RAD18: variants seen among roughly 807,000 people sequenced by gnomAD.
RAD18 encodes E3 ubiquitin-protein ligase RAD18.
A neutral mutation model predicts 60.4 loss-of-function variants in RAD18; 47 were observed. The observed-to-expected ratio is 0.78, with a 90% CI of 0.62 to 0.99. The LOEUF is 0.99. RAD18 is among the 50% of genes least tolerant of loss of function. The pLI, the probability that RAD18 is intolerant of heterozygous loss-of-function variation, is 0.00. For synonymous variants in RAD18, 225 were observed against 195.5 expected, an observed-to-expected ratio of 1.15 and a Z score of -1.26; for missense variants, 640 against 593.3, an observed-to-expected ratio of 1.08 and a Z score of -0.82.
rs1285460319 is a variant in RAD18 at position 8,963,388 on chromosome 3, T to G, written c.-3A>C. On this transcript the variant is annotated 5_prime_UTR_variant, in exon 1 of 13. Transcript: ENST00000264926. ...CGAGACTCGGCCAGGGAGTCCATGG[T>G]CGCTCCCGAGGATGCTGGGGGTCAG... The G allele has an allele frequency of 6.2e-7, 1 of 1,601,402 alleles. No individual in the cohort carries two copies. Among genetic ancestry groups the G allele is most frequent in the East Asian group, 2.3e-5 (1 of 43,362 alleles).
At chr3:8,941,883 C>A in intron 4 of RAD18, 79 bp from the exon 5 acceptor site, 1 of 1,316,628 alleles carries the variant, frequency 7.6e-7, no homozygotes, top group Non-Finnish European at 1.0e-6. Flanking sequence ...GCTGTTTTCC[C>A]AATTAACCTT....
At chr3:8,898,839 T>C in intron 11 of RAD18, 55 bp downstream of exon 11, 1 of 1,392,870 alleles carries the variant, frequency 7.2e-7, no homozygotes, top group Non-Finnish European at 9.7e-7. Flanking sequence ...CCTATCTATC[T>C]ACATGTGCAT....
At chr3:8,913,756 C>A in intron 7 of RAD18, 36 bp from the exon 8 acceptor site, 1 of 1,356,730 alleles carries the variant, frequency 7.4e-7, no homozygotes, top group Non-Finnish European at 1.0e-6. Context: ...AGGTTAATCA[C>A]ATGTCTTTTT....
intron 7 of RAD18, among the ~76,000 whole-genome samples, chr3:8,929,855 C>T (rs930855800): frequency 4.6e-5 from 7 of 152,280 alleles, no homozygotes; most frequent in African/African-American, 1.7e-4. Context: ...GTTGGCCAGG[C>T]TGGTCTCCAA....
intron 4 of RAD18, among the ~76,000 whole-genome samples, chr3:8,944,475 A>C (rs1277578011): frequency 2.0e-5 from 3 of 151,756 alleles, no homozygotes; most frequent in Non-Finnish European, 4.4e-5. Context: ...GTTCGAGGTT[A>C]CAGTGAACCA....
chr3:8,944,023 T>G lies in RAD18; in HGVS notation c.267-2219A>C, dbSNP rs45576540. 6.0e-4 allele frequency among the ~76,000 whole-genome samples: 92 copies of G among 152,128 alleles called. 2 individuals carry two copies. In the East Asian group the frequency reaches 0.017, roughly 28 times the overall value. ...CAAGCAAAGCCAAACATTGGTTCTT[T>G]GAAAAAATTAACAAAACTGTTAATC... On this transcript the variant is annotated intron_variant, in intron 4 of 12. Transcript: ENST00000264926.
At chr3:8,916,672 TAGAA>T (rs1157176647) in intron 7 of RAD18, among the ~76,000 whole-genome samples, 19 of 151,716 alleles carry the variant, frequency 1.3e-4, no homozygotes, top group Admixed American at 9.2e-4. Flanking sequence ...AAGAATAAAA[TAGAA>T]ATGTTAGATA....
chr3:8,931,079 C>G (rs753084256), intron 7 of RAD18, among the ~76,000 whole-genome samples: 16 of 151,976 alleles, frequency 1.1e-4, no homozygotes, highest in Non-Finnish European at 1.8e-4. Context: ...ATAAATAAAA[C>G]TGTTTTTATT....
chr3:8,883,392 C>T (rs768953010), intron 12 of RAD18, among the ~76,000 whole-genome samples: 11 of 152,150 alleles, frequency 7.2e-5, no homozygotes, highest in Non-Finnish European at 1.6e-4. Context: ...AGTGACTTTT[C>T]TAAACCAATC....
chr3:8,910,234 C>A (rs74546464), intron 9 of RAD18, among the ~76,000 whole-genome samples: 1 of 152,280 alleles, frequency 6.6e-6, no homozygotes, highest in East Asian at 1.9e-4. Context: ...GTGATTTACA[C>A]TTCTGTTGGA....
At chr3:8,925,224 G>C (rs1452233822) in intron 7 of RAD18, among the ~76,000 whole-genome samples, 1 of 151,866 alleles carries the variant, frequency 6.6e-6, no homozygotes, top group Non-Finnish European at 1.5e-5. Flanking sequence ...AATGATAAAG[G>C]GGATATCACC....
chr3:8,894,917 C>T lies in RAD18; in HGVS notation c.1322+3977G>A, dbSNP rs560533760. 2.6e-5 allele frequency among the ~76,000 whole-genome samples: 4 copies of T among 152,024 alleles called. No individual in the cohort carries two copies. In the South Asian group the frequency reaches 6.2e-4, roughly 24 times the overall value. On this transcript the variant is annotated intron_variant, in intron 11 of 12. Coordinates refer to ENST00000264926, the MANE Select transcript of RAD18 (RefSeq NM_020165.4). ...CTGGGATTACAGGCACATGCTACTG[C>T]GCCTGGCTAATTTTTATATTTTTAG...
At chr3:8,889,213 G>A (rs1471071415) in intron 12 of RAD18, among the ~76,000 whole-genome samples, 1 of 152,184 alleles carries the variant, frequency 6.6e-6, no homozygotes, top group Non-Finnish European at 1.5e-5. Flanking sequence ...AGATAGTAGA[G>A]TTTAATGGTT....
intron 2 of RAD18, among the ~76,000 whole-genome samples, chr3:8,957,120 A>G (rs935951747): frequency 6.6e-6 from 1 of 152,216 alleles, no homozygotes; most frequent in Non-Finnish European, 1.5e-5. Context: ...AAAGGTCAAT[A>G]TAAGTTATAT....
At chr3:8,939,071 G>C (rs1245465725) in intron 6 of RAD18, among the ~76,000 whole-genome samples, 2 of 151,906 alleles carry the variant, frequency 1.3e-5, no homozygotes, top group Non-Finnish European at 2.9e-5. Context: ...TTTCATATAT[G>C]CATTTTTGTA....
intron 4 of RAD18, among the ~76,000 whole-genome samples, chr3:8,944,918 T>C (rs6777590): frequency 0.044 from 6,624 of 152,200 alleles, 482 homozygotes; most frequent in African/African-American, 0.15. Context: ...AGTCGGCCCT[T>C]CCCATCCACC....
intron 4 of RAD18, among the ~76,000 whole-genome samples, chr3:8,942,628 T>C (rs1435553644): frequency 6.6e-6 from 1 of 152,296 alleles, no homozygotes; most frequent in East Asian, 1.9e-4. Context: ...CTGGGAGCAT[T>C]TTCTAGGAAT....
At chr3:8,882,860 C>T (rs1212425564) in intron 12 of RAD18, among the ~76,000 whole-genome samples, 1 of 152,180 alleles carries the variant, frequency 6.6e-6, no homozygotes. Flanking sequence ...ACACTAATGA[C>T]CCAGTAGAAG....
chr3:8,944,533 G>C (rs549100501), intron 4 of RAD18, among the ~76,000 whole-genome samples: 1 of 150,102 alleles, frequency 6.7e-6, no homozygotes, highest in South Asian at 2.1e-4. Flanking sequence ...AAGAAGAAGA[G>C]AGGAAAGGGA....
Sources: allele counts gnomAD v4.1 joint callset (sites outside exome capture counted in the v4.1 genomes callset), GRCh38; gene constraint gnomAD v4.1.1; transcripts MANE v1.5; gene names NCBI Gene and HGNC (gene_info 2026-07-23, HGNC 2026-07-21).